Variants in CHCHD3 observed in about 807,000 individuals in gnomAD.
CHCHD3 encodes the protein coiled-coil-helix-coiled-coil-helix domain containing 3, also known as MICOS complex subunit MIC19.
Under a neutral mutation model 38.2 loss-of-function variants are expected in CHCHD3, and 20 were observed. The ratio of observed to expected loss-of-function variants is 0.52; its 90% CI spans 0.37 to 0.76. The LOEUF (loss-of-function observed/expected upper bound fraction) is 0.76. CHCHD3 is among the 30% of genes least tolerant of loss of function. CHCHD3 has a pLI of 0.00. For missense variants in CHCHD3, 245 were observed against 279.2 expected, an observed-to-expected ratio of 0.88 and a Z score of 0.87; for synonymous variants, 82 against 100.0, an observed-to-expected ratio of 0.82 and a Z score of 1.07.
rs184371207 is a variant in CHCHD3, at chr7:132,990,484, T to C, written c.252-15198A>G. On this transcript the variant is annotated intron_variant, in intron 3 of 7. Transcript: ENST00000262570. The stretch of plus-strand genomic sequence containing the variant: ...CATCCAAGATGGGCAGCTTGAGCCC[T>C]GGACAGATGACAATGTGAAATGGCT... Among the ~76,000 whole-genome samples the C allele has an allele frequency of 3.5e-4, 54 of 152,284 alleles. 1 individual carries two copies. The highest frequency in any genetic ancestry group is 2.1e-3 in the Admixed American group (32 of 15,306).
chr7:132,885,619 C>A, intron 5 of CHCHD3, 43 bp downstream of exon 5: 1 of 1,363,644 alleles, frequency 7.3e-7, no homozygotes, highest in Non-Finnish European at 1.0e-6. Flanking sequence ...TACAAGAAAA[C>A]AGCAGATGTG....
intron 1 of CHCHD3, among the ~76,000 whole-genome samples, chr7:133,075,324 C>T (rs547028968): frequency 5.3e-5 from 8 of 152,222 alleles, no homozygotes; most frequent in Non-Finnish European, 7.4e-5. Context: ...ACATATTGTA[C>T]GGCTGCCTTA....
rs566809608 is a variant in CHCHD3, at chr7:132,800,369, C to T, written c.525-3792G>A. On this transcript the variant is annotated intron_variant, in intron 6 of 7. Coordinates refer to ENST00000262570, the MANE Select transcript of CHCHD3 (RefSeq NM_017812.4). ...AGTATTCAGAAGTCCCCTCTTAAGA[C>T]TCTATAACACAGTTACACTCGGTTA... Among the ~76,000 whole-genome samples the T allele has an allele frequency of 3.3e-5, 5 of 152,268 alleles. No homozygotes were observed. The South Asian group carries it at 1.0e-3, about 32-fold the overall frequency.
intron 3 of CHCHD3, among the ~76,000 whole-genome samples, chr7:132,985,083 GC>G (rs1001544119): frequency 1.0e-5 from 1 of 96,296 alleles, no homozygotes; most frequent in Non-Finnish European, 2.2e-5. Flanking sequence ...GGGGGGGTTA[GC>G]CCCCCGTCCG....
At chr7:132,955,173 G>GGTGTGTGTGT (rs3050414) in intron 4 of CHCHD3, among the ~76,000 whole-genome samples, 17,388 of 126,114 alleles carry the variant, frequency 0.14, 1,455 homozygotes, top group Non-Finnish European at 0.16. Flanking sequence ...TCCCTCAGAG[G>GGTGTGTGTGT]GTGTGTGTGT....
chr7:133,049,916 T>A (rs903406126), intron 2 of CHCHD3, among the ~76,000 whole-genome samples: 9 of 152,220 alleles, frequency 5.9e-5, no homozygotes, highest in Non-Finnish European at 7.3e-5. Context: ...TGCTGCTACA[T>A]GCCATTGCTT....
At chr7:133,076,482 A>C (rs1814994960) in intron 1 of CHCHD3, among the ~76,000 whole-genome samples, 1 of 152,202 alleles carries the variant, frequency 6.6e-6, no homozygotes, top group African/African-American at 2.4e-5. Context: ...AGCCCACTGA[A>C]CTTGACTGTC....
intron 6 of CHCHD3, among the ~76,000 whole-genome samples, chr7:132,822,697 C>G (rs753031687): frequency 5.9e-5 from 9 of 152,122 alleles, no homozygotes; most frequent in Non-Finnish European, 1.2e-4. Context: ...TTGGAAGGAA[C>G]AGTCACAATT....
At chr7:132,891,967 T>C (rs1418230710) in intron 4 of CHCHD3, among the ~76,000 whole-genome samples, 1 of 152,260 alleles carries the variant, frequency 6.6e-6, no homozygotes, top group African/African-American at 2.4e-5. Flanking sequence ...CCAGGAAGCG[T>C]AACTGTGAGT....
At chr7:132,992,932 C>T (rs1812321230) in intron 3 of CHCHD3, among the ~76,000 whole-genome samples, 1 of 152,184 alleles carries the variant, frequency 6.6e-6, no homozygotes, top group Non-Finnish European at 1.5e-5. Flanking sequence ...TAAATCCTTG[C>T]ATATCAATGG....
At chr7:133,034,876 G>A (rs1584661067) in intron 2 of CHCHD3, 1 of 1,610,206 alleles carries the variant, frequency 6.2e-7, no homozygotes, top group Non-Finnish European at 8.5e-7. Flanking sequence ...AGCTTGTCCA[G>A]TCGCTGGAAC....
intron 4 of CHCHD3, among the ~76,000 whole-genome samples, chr7:132,920,813 T>C (rs1810241418): frequency 6.6e-6 from 1 of 151,612 alleles, no homozygotes; most frequent in Non-Finnish European, 1.5e-5. Context: ...TTAAGTAGTC[T>C]CAGATCAAAG....
intron 6 of CHCHD3, among the ~76,000 whole-genome samples, chr7:132,804,953 G>A (rs28691044): frequency 9.5e-4 from 144 of 152,206 alleles, no homozygotes; most frequent in African/African-American, 3.3e-3. Context: ...CATCCCTATC[G>A]GTTACTTGAA....
intron 6 of CHCHD3, among the ~76,000 whole-genome samples, chr7:132,829,581 A>T (rs2117081579): frequency 6.6e-6 from 1 of 152,294 alleles, no homozygotes; most frequent in East Asian, 1.9e-4. Flanking sequence ...CTTATACGAA[A>T]GGAAAGAAGA....
At chr7:132,799,016 TG>T (rs1806696489) in intron 6 of CHCHD3, among the ~76,000 whole-genome samples, 2 of 56,404 alleles carry the variant, frequency 3.5e-5, no homozygotes, top group Admixed American at 2.6e-4. Flanking sequence ...TCTGTGTGTG[TG>T]TGTGTGTGTG....
chr7:133,056,881 T>C (rs1407129041), intron 2 of CHCHD3, among the ~76,000 whole-genome samples: 4 of 152,238 alleles, frequency 2.6e-5, no homozygotes, highest in African/African-American at 9.6e-5. Flanking sequence ...AACTTGTCCA[T>C]GATCACACAA....
At chr7:133,062,873 G>A (rs1191541660) in intron 2 of CHCHD3, among the ~76,000 whole-genome samples, 1 of 152,068 alleles carries the variant, frequency 6.6e-6, no homozygotes, top group African/African-American at 2.4e-5. Flanking sequence ...ACAAGGGCAG[G>A]GACCTCTGAA....
chr7:133,008,348 T>A (rs1014985723), intron 3 of CHCHD3, among the ~76,000 whole-genome samples: 1 of 126,456 alleles, frequency 7.9e-6, no homozygotes, highest in African/African-American at 3.0e-5. Context: ...CAGATTAAGC[T>A]ATCGATGGTT....
intron 4 of CHCHD3, among the ~76,000 whole-genome samples, chr7:132,952,514 T>C (rs1401692567): frequency 6.6e-6 from 1 of 152,178 alleles, no homozygotes; most frequent in Non-Finnish European, 1.5e-5. Context: ...AAGAATCAAA[T>C]AGTAAACAAT....
Sources: allele counts gnomAD v4.1 joint callset (sites outside exome capture counted in the v4.1 genomes callset), GRCh38; gene constraint gnomAD v4.1.1; transcripts MANE v1.5; gene names NCBI Gene and HGNC (gene_info 2026-07-23, HGNC 2026-07-21).